Variants in PPARG observed in about 807,000 individuals in gnomAD.
The protein encoded by PPARG is peroxisome proliferator activated receptor gamma.
PPARG carries 17 observed loss-of-function variants against 39.2 expected under a neutral mutation model. The ratio of observed to expected loss-of-function variants is 0.43; its 90% CI spans 0.30 to 0.65. The LOEUF is 0.65. PPARG is among the 30% of genes least tolerant of loss of function. The pLI, the probability that PPARG is intolerant of heterozygous loss-of-function variation, is 0.13. For missense variants in PPARG, 406 were observed against 585.9 expected (o/e 0.69, Z 3.17); for synonymous variants, 223 against 215.7 (o/e 1.03, Z -0.30).
At chr3:12,322,756 GTGTT>G (rs1206139466) in intron 2 of PPARG, among the ~76,000 whole-genome samples, 2 of 152,126 alleles carry the variant, frequency 1.3e-5, no homozygotes, top group East Asian at 3.8e-4. Context: ...GACAAAAGCT[GTGTT>G]TGGAAGGCAC....
rs1235373823 is a variant in PPARG, at chr3:12,379,770, T to G, written c.59T>G (p.Leu20Arg). The change falls in exon 3 of 8, where the codon CTC (leucine) becomes CGC (arginine). Residue 20 changes from leucine to arginine, a missense_variant. Physicochemically the swap from Leu to Arg is moderately radical, Grantham distance 102. This residue lies in a region of PPARG where 131 missense variants were observed against 127.9 expected (regional missense o/e 1.02). Transcript: ENST00000651735. ...PTNFGISSVDLSVMEDHSHSF... is the reference protein window; with the variant it reads ...PTNFGISSVDRSVMEDHSHSF... ...AACTTTGGGATCAGCTCCGTGGATC[T>G]CTCCGTAATGGAAGACCACTCCCAC... 6.2e-7 allele frequency: 1 copy of G among 1,614,024 alleles called. No homozygotes were observed. Among genetic ancestry groups the G allele is most frequent in the South Asian group, 1.1e-5 (1 of 91,074 alleles).
chr3:12,366,397 G>A (rs918022117), intron 2 of PPARG, among the ~76,000 whole-genome samples: 1 of 151,712 alleles, frequency 6.6e-6, no homozygotes, highest in African/African-American at 2.4e-5. Flanking sequence ...AACAAAGACA[G>A]TTTTATTTTT....
intron 2 of PPARG, among the ~76,000 whole-genome samples, chr3:12,379,435 T>C (rs2049540500): frequency 6.6e-6 from 1 of 152,188 alleles, no homozygotes; most frequent in African/African-American, 2.4e-5. Flanking sequence ...AGCAGGCCTG[T>C]TGGCAAAAAG....
At chr3:12,287,810 G>A (rs1188235965), upstream of PPARG, 9 of 43,014 alleles carry the variant, frequency 2.1e-4, no homozygotes, top group Non-Finnish European at 3.9e-4. Context: ...CCCCGCCCCC[G>A]CCCCCGCCCC....
chr3:12,387,968 C>T (rs376940100), intron 4 of PPARG, among the ~76,000 whole-genome samples: 13 of 152,234 alleles, frequency 8.5e-5, no homozygotes, highest in African/African-American at 1.9e-4. Flanking sequence ...AATAACTGAG[C>T]GCTCTGTGAG....
intron 1 of PPARG, among the ~76,000 whole-genome samples, chr3:12,298,320 A>G (rs945122207): frequency 6.7e-6 from 1 of 148,490 alleles, no homozygotes. Flanking sequence ...AAAAAAAAAA[A>G]AAAAAAAGAA....
chr3:12,382,026 T>C (rs2049687372), intron 4 of PPARG, among the ~76,000 whole-genome samples: 1 of 152,202 alleles, frequency 6.6e-6, no homozygotes, highest in Non-Finnish European at 1.5e-5. Context: ...AGAGCAATCC[T>C]ATAAGATTGG....
chr3:12,289,183 G>A (rs1472745996), intron 1 of PPARG, 49 bp downstream of exon 1: 1 of 152,148 alleles, frequency 6.6e-6, no homozygotes, highest in African/African-American at 2.4e-5. Context: ...GTTGGTGATA[G>A]GTCCGAAATT....
chr3:12,376,422 GAAAAGA>G (rs1198071147), intron 2 of PPARG, among the ~76,000 whole-genome samples: 1 of 151,722 alleles, frequency 6.6e-6, no homozygotes, highest in Non-Finnish European at 1.5e-5. Flanking sequence ...ATAAATAAAA[GAAAAGA>G]AAAAGGAAAA....
chr3:12,389,123 C>G (rs865974088), intron 4 of PPARG, among the ~76,000 whole-genome samples: 1 of 152,160 alleles, frequency 6.6e-6, no homozygotes, highest in Non-Finnish European at 1.5e-5. Context: ...AAGTGCAGAA[C>G]TGTTCTCACT....
chr3:12,428,396 A>G (rs1172845415), intron 7 of PPARG, among the ~76,000 whole-genome samples: 1 of 152,138 alleles, frequency 6.6e-6, no homozygotes, highest in Admixed American at 6.5e-5. Flanking sequence ...AGTCACACAC[A>G]CTTCCCAAAA....
intron 1 of PPARG, among the ~76,000 whole-genome samples, chr3:12,297,063 G>C (rs933372381): frequency 1.3e-5 from 2 of 152,146 alleles, no homozygotes; most frequent in Admixed American, 1.3e-4. Context: ...TTTCCAAAGG[G>C]CTGGAGAATA....
At chr3:12,350,581 C>T (rs889193958) in intron 2 of PPARG, among the ~76,000 whole-genome samples, 9 of 152,342 alleles carry the variant, frequency 5.9e-5, no homozygotes, top group African/African-American at 1.4e-4. Context: ...GCTCCCACAT[C>T]GGTAATTTGG....
At chr3:12,356,010 T>C (rs2048651021) in intron 2 of PPARG, among the ~76,000 whole-genome samples, 1 of 152,228 alleles carries the variant, frequency 6.6e-6, no homozygotes, top group South Asian at 2.1e-4. Context: ...AGAGGAAATC[T>C]GAGCAAAGTA....
intron 6 of PPARG, among the ~76,000 whole-genome samples, chr3:12,408,773 C>G (rs919495768): frequency 1.3e-5 from 2 of 151,786 alleles, no homozygotes; most frequent in South Asian, 2.1e-4. Flanking sequence ...TCCTCTAATT[C>G]ATACCTGCAA....
chr3:12,356,945 G>T (rs114714243), intron 2 of PPARG, among the ~76,000 whole-genome samples: 1 of 152,010 alleles, frequency 6.6e-6, no homozygotes, highest in Non-Finnish European at 1.5e-5. Context: ...CCTCTACTCC[G>T]TGAAGCATTC....
At chr3:12,304,866 T>C (rs2047019111) in intron 1 of PPARG, among the ~76,000 whole-genome samples, 1 of 152,196 alleles carries the variant, frequency 6.6e-6, no homozygotes, top group African/African-American at 2.4e-5. Context: ...GCTGAGTAAT[T>C]TTGGTGGCTC....
At chr3:12,432,256 A>G (rs2051685876) in intron 7 of PPARG, among the ~76,000 whole-genome samples, 1 of 152,192 alleles carries the variant, frequency 6.6e-6, no homozygotes, top group South Asian at 2.1e-4. Context: ...ATGGCCCCCA[A>G]AATAACTCTA....
In PPARG at chr3:12,381,740, AT is replaced by A. The variant is rs4135262; in HGVS notation, c.390+250del. Among the ~76,000 whole-genome samples the A allele has an allele frequency of 0.52, 78,380 of 151,690 alleles. 20,649 individuals are homozygous for A. Among genetic ancestry groups the A allele is most frequent in the South Asian group, 0.66 (3,190 of 4,816 alleles). ...AAGATTTGAAAGCCTAAGAAAGTGGATAAAAGTTGGGCTGCTTTGCCCCACA... is the reference window on the plus strand; with the variant it reads ...AAGATTTGAAAGCCTAAGAAAGTGGAAAAAGTTGGGCTGCTTTGCCCCACA... On this transcript the variant is annotated intron_variant, in intron 4 of 7. Coordinates refer to ENST00000651735, the MANE Select transcript of PPARG (RefSeq NM_138711.6).
Sources: allele counts gnomAD v4.1 joint callset (sites outside exome capture counted in the v4.1 genomes callset), GRCh38; gene constraint gnomAD v4.1.1; regional missense constraint gnomAD v4.1.1; transcripts MANE v1.5; gene names NCBI Gene and HGNC (gene_info 2026-07-23, HGNC 2026-07-21).